BTBD9: variants seen among roughly 807,000 people sequenced by gnomAD.
BTBD9 encodes BTB/POZ domain-containing protein 9.
BTBD9 carries 49 observed loss-of-function variants against 64.3 expected under a neutral mutation model. The observed-to-expected ratio is 0.76, with a 90% CI of 0.61 to 0.97. The LOEUF (loss-of-function observed/expected upper bound fraction) is 0.97. Ranked by LOEUF, BTBD9 falls within the 50% of genes least tolerant of loss-of-function variation. BTBD9 has a pLI of 0.00. For synonymous variants in BTBD9, 260 were observed against 274.7 expected (o/e 0.95, Z 0.53); for missense variants, 598 against 762.1 (o/e 0.78, Z 2.53).
intron 6 of BTBD9, among the ~76,000 whole-genome samples, chr6:38,395,491 G>C (rs1270216102): frequency 6.6e-6 from 1 of 152,174 alleles, no homozygotes; most frequent in Non-Finnish European, 1.5e-5. Flanking sequence ...CTATAAATGA[G>C]TAAATGGCCC....
chr6:38,199,756 G>A (rs1034266499), intron 9 of BTBD9, among the ~76,000 whole-genome samples: 1 of 152,216 alleles, frequency 6.6e-6, no homozygotes, highest in Non-Finnish European at 1.5e-5. Flanking sequence ...CTGGGCAGGG[G>A]TATCCTAGTG....
chr6:38,256,427 C>G lies in BTBD9; in HGVS notation c.1544G>C (p.Arg515Thr). The change falls in exon 9 of 11, where the codon AGA (arginine) becomes ACA (threonine). Residue 515 changes from arginine to threonine, a missense_variant. By Grantham distance (71) the Arg-to-Thr change is moderately conservative. Transcript: ENST00000481247. ...NQQQWTMVAD[R>T]TKVSCKSWQS... ...AACTTACTTGCAGGAGACTTTAGTTCTGTCAGCAACCATGGTCCACTGTTG... is the reference window on the plus strand; with the variant it reads ...AACTTACTTGCAGGAGACTTTAGTTGTGTCAGCAACCATGGTCCACTGTTG... 1 of 1,613,334 alleles carries G rather than the reference C, an allele frequency of 6.2e-7. No homozygotes were observed. Among genetic ancestry groups the G allele is most frequent in the Non-Finnish European group, 8.5e-7 (1 of 1,179,322 alleles).
intron 1 of BTBD9, among the ~76,000 whole-genome samples, chr6:38,608,153 C>T (rs571620074): frequency 2.0e-5 from 3 of 152,150 alleles, no homozygotes; most frequent in Non-Finnish European, 2.9e-5. Context: ...ATAAGGCAAT[C>T]TCCCATAAAA....
chr6:38,501,681 A>AG (rs1246662724), intron 6 of BTBD9, among the ~76,000 whole-genome samples: 1 of 152,122 alleles, frequency 6.6e-6, no homozygotes, highest in East Asian at 1.9e-4. Context: ...CTGAATTCAG[A>AG]GAAGTTATTT....
intron 7 of BTBD9, among the ~76,000 whole-genome samples, chr6:38,304,808 A>G (rs1762565462): frequency 2.0e-5 from 3 of 152,120 alleles, no homozygotes; most frequent in African/African-American, 4.8e-5. Flanking sequence ...TGACACCTGG[A>G]AAGAAGAAGA....
At chr6:38,485,270 C>T (rs1771343636) in intron 6 of BTBD9, among the ~76,000 whole-genome samples, 1 of 152,180 alleles carries the variant, frequency 6.6e-6, no homozygotes. Flanking sequence ...AATATTTTGA[C>T]CACCTCTCAC....
intron 6 of BTBD9, among the ~76,000 whole-genome samples, chr6:38,496,640 C>A (rs1771971773): frequency 1.4e-5 from 2 of 140,812 alleles, no homozygotes; most frequent in Non-Finnish European, 1.5e-5. Context: ...GGTGACAGAG[C>A]AAGACCCTGT....
chr6:38,557,308 G>A (rs887338330), intron 6 of BTBD9, among the ~76,000 whole-genome samples: 11 of 152,160 alleles, frequency 7.2e-5, no homozygotes, highest in Non-Finnish European at 1.6e-4. Flanking sequence ...TCGTGCCATT[G>A]CACTCCAGCC....
chr6:38,445,407 G>A (rs1769229705), intron 6 of BTBD9, among the ~76,000 whole-genome samples: 1 of 152,206 alleles, frequency 6.6e-6, no homozygotes, highest in Non-Finnish European at 1.5e-5. Flanking sequence ...AAAGGCTGGA[G>A]AAAGTCAAAG....
intron 8 of BTBD9, among the ~76,000 whole-genome samples, chr6:38,279,310 G>T (rs780556520): frequency 5.3e-5 from 8 of 152,068 alleles, no homozygotes; most frequent in Non-Finnish European, 1.0e-4. Flanking sequence ...AGGTGCTATC[G>T]AGATGTACCA....
At chr6:38,310,140 G>C (rs1388355802) in intron 7 of BTBD9, among the ~76,000 whole-genome samples, 1 of 152,166 alleles carries the variant, frequency 6.6e-6, no homozygotes, top group Non-Finnish European at 1.5e-5. Context: ...AACACACCAG[G>C]GGGAAAAGTG....
At chr6:38,558,537 T>C (rs574545008) in intron 6 of BTBD9, among the ~76,000 whole-genome samples, 4 of 152,278 alleles carry the variant, frequency 2.6e-5, no homozygotes, top group African/African-American at 7.2e-5. Flanking sequence ...GAGTCTGTCA[T>C]AGATGGCTCT....
chr6:38,208,230 C>G (rs540360443), intron 9 of BTBD9, among the ~76,000 whole-genome samples: 2 of 152,214 alleles, frequency 1.3e-5, no homozygotes, highest in East Asian at 3.9e-4. Context: ...TGAGACGTGA[C>G]GGGTATTAAA....
At chr6:38,563,776 CTTTTTTTTTTTTTT>C (rs57927975) in intron 6 of BTBD9, among the ~76,000 whole-genome samples, 8 of 113,582 alleles carry the variant, frequency 7.0e-5, no homozygotes, top group Non-Finnish European at 1.0e-4. Flanking sequence ...GCCTATCTAA[CTTTTTTTTTTTTTT>C]TTTTTTTTTG....
At chr6:38,232,347 T>G (rs530201384) in intron 9 of BTBD9, among the ~76,000 whole-genome samples, 1 of 152,002 alleles carries the variant, frequency 6.6e-6, no homozygotes, top group East Asian at 1.9e-4. Context: ...CTCAGCTCAC[T>G]GCAAGCTCTG....
At chr6:38,453,901 T>C (rs987982405) in intron 6 of BTBD9, among the ~76,000 whole-genome samples, 1 of 152,138 alleles carries the variant, frequency 6.6e-6, no homozygotes, top group African/African-American at 2.4e-5. Flanking sequence ...ACATTCCAAA[T>C]CCAAACTTGT....
intron 6 of BTBD9, among the ~76,000 whole-genome samples, chr6:38,383,022 C>T (rs1458650916): frequency 6.6e-6 from 1 of 152,114 alleles, no homozygotes; most frequent in East Asian, 1.9e-4. Flanking sequence ...AAAGAATACT[C>T]TTCAACGCAT....
At chr6:38,513,275 G>A (rs906394017) in intron 6 of BTBD9, among the ~76,000 whole-genome samples, 8 of 151,950 alleles carry the variant, frequency 5.3e-5, no homozygotes, top group South Asian at 4.2e-4. Context: ...GTGAAACCCC[G>A]TCTCTACTAA....
chr6:38,394,803 T>C (rs946806573), intron 6 of BTBD9, among the ~76,000 whole-genome samples: 9 of 152,110 alleles, frequency 5.9e-5, no homozygotes, highest in African/African-American at 1.9e-4. Flanking sequence ...ACGGCCAGTG[T>C]CAACTTTCCA....
Sources: gnomAD v4.1 joint callset for allele counts (sites outside exome capture counted in the v4.1 genomes callset) on GRCh38, gnomAD v4.1.1 for gene constraint, MANE v1.5 for transcripts, NCBI Gene and HGNC (gene_info 2026-07-23, HGNC 2026-07-21) for gene names.